The following RASEF variants were observed in gnomAD, a reference collection of about 807,000 sequenced individuals.
The protein encoded by RASEF is RAS and EF-hand domain containing, also known as ras and EF-hand domain-containing protein.
In RASEF, 68 loss-of-function variants were observed where a neutral mutation model predicts 90.1. That is an observed-to-expected ratio of 0.75 (90% CI 0.62 to 0.92). RASEF has a LOEUF of 0.92. RASEF is among the 40% of genes least tolerant of loss of function. RASEF has a pLI of 0.00. For synonymous variants in RASEF, 331 were observed against 345.2 expected (o/e 0.96, Z 0.46); for missense variants, 949 against 937.2 (o/e 1.01, Z -0.16).
chr9:83,209,534 C>A, the RASEF span, among the ~76,000 whole-genome samples: 3 of 152,208 alleles, frequency 2.0e-5, no homozygotes, highest in Non-Finnish European at 1.5e-5. Flanking sequence ...CCAAGGGCTG[C>A]AGACCCCTGG....
intron 1 of RASEF, among the ~76,000 whole-genome samples, chr9:83,041,942 C>T (rs1244523455): frequency 6.6e-6 from 1 of 152,094 alleles, no homozygotes; most frequent in Non-Finnish European, 1.5e-5. Flanking sequence ...ACCTCAACCC[C>T]CAAGAAAAGT....
the RASEF span, among the ~76,000 whole-genome samples, chr9:83,106,061 G>T: frequency 1.3e-5 from 2 of 152,244 alleles, no homozygotes; most frequent in African/African-American, 4.8e-5. Flanking sequence ...GCCAGTTATT[G>T]TTTCCTCCAC....
At chr9:83,166,878 A>G in the RASEF span, among the ~76,000 whole-genome samples, 1 of 152,144 alleles carries the variant, frequency 6.6e-6, no homozygotes. Flanking sequence ...AACAGAGCAG[A>G]TCTCTTTATC....
At chr9:83,082,396 C>A in the RASEF span, among the ~76,000 whole-genome samples, 1 of 152,156 alleles carries the variant, frequency 6.6e-6, no homozygotes, top group Non-Finnish European at 1.5e-5. Context: ...CCTACATCAC[C>A]CATGGGAGCT....
intron 12 of RASEF, 86 bp downstream of exon 12, chr9:83,000,083 A>G: frequency 1.7e-6 from 2 of 1,206,184 alleles, no homozygotes; most frequent in Non-Finnish European, 1.2e-6. Context: ...CTGTTAACTG[A>G]GCATCTGTGT....
chr9:83,047,269 C>G (rs1299113966), intron 1 of RASEF, among the ~76,000 whole-genome samples: 1 of 151,148 alleles, frequency 6.6e-6, no homozygotes, highest in Non-Finnish European at 1.5e-5. Flanking sequence ...TACTCCAAAA[C>G]AAAACAAAAA....
the RASEF span, among the ~76,000 whole-genome samples, chr9:83,146,051 AT>A: frequency 8.8e-4 from 133 of 151,854 alleles, no homozygotes; most frequent in African/African-American, 3.2e-3. Flanking sequence ...AAGCAAACAA[AT>A]GAAGTGCTAA....
In RASEF at chr9:83,001,092, G is replaced by T. The variant is rs756110127; in HGVS notation, c.1241C>A (p.Ser414Tyr). 1.8e-5 allele frequency: 29 copies of T among 1,614,010 alleles called. No homozygotes were observed. In the Admixed American group the frequency reaches 2.8e-4, roughly 16 times the overall value. ...RSSYVDEDCD[S>Y]LALCDPLQRT... ...CTGCAGAGGATCACAGAGGGCCAGG[G>T]AGTCACAGTCCTCATCCACATAGGA... The change falls in exon 10 of 17, where the codon TCC (serine) becomes TAC (tyrosine). Residue 414 changes from serine to tyrosine, a missense_variant. Ser to Tyr is a moderately radical substitution (Grantham distance 144, BLOSUM62 -2). Coordinates refer to ENST00000376447, the MANE Select transcript of RASEF (RefSeq NM_152573.4).
chr9:83,185,353 C>CT, the RASEF span, among the ~76,000 whole-genome samples: 20,632 of 142,986 alleles, frequency 0.14, 1,636 homozygotes, highest in East Asian at 0.28. Context: ...TTCTTTCTTT[C>CT]TTTTTTTTTT....
At chr9:83,113,682 G>C in the RASEF span, among the ~76,000 whole-genome samples, 1 of 152,184 alleles carries the variant, frequency 6.6e-6, no homozygotes, top group Non-Finnish European at 1.5e-5. Context: ...GATAAGGACT[G>C]AAATACACCC....
the RASEF span, among the ~76,000 whole-genome samples, chr9:83,092,662 G>C: frequency 6.6e-5 from 10 of 152,280 alleles, no homozygotes; most frequent in South Asian, 2.1e-4. Context: ...AGCTTCCACT[G>C]TGTGGAAGGG....
chr9:83,120,573 T>C, the RASEF span, among the ~76,000 whole-genome samples: 2 of 152,290 alleles, frequency 1.3e-5, no homozygotes, highest in African/African-American at 4.8e-5. Context: ...CTACTAAGAA[T>C]TGGAGGTTGT....
At chr9:83,126,200 G>A in the RASEF span, among the ~76,000 whole-genome samples, 3 of 152,134 alleles carry the variant, frequency 2.0e-5, no homozygotes, top group African/African-American at 4.8e-5. Context: ...ATGGTACTAG[G>A]AGGTAGAGTT....
the RASEF span, among the ~76,000 whole-genome samples, chr9:83,151,273 C>A: frequency 6.6e-6 from 1 of 152,100 alleles, no homozygotes; most frequent in Non-Finnish European, 1.5e-5. Context: ...CTCTTCCAAC[C>A]CAGCCCTTGG....
the RASEF span, among the ~76,000 whole-genome samples, chr9:83,083,389 T>C: frequency 6.6e-6 from 1 of 152,190 alleles, no homozygotes; most frequent in East Asian, 1.9e-4. Flanking sequence ...TTCGACCATA[T>C]TCTATCATAA....
At chr9:83,031,022 T>C (rs540378800) in intron 1 of RASEF, among the ~76,000 whole-genome samples, 6 of 152,274 alleles carry the variant, frequency 3.9e-5, no homozygotes, top group Admixed American at 2.0e-4. Context: ...CTTGGATCCC[T>C]GAATCACCAC....
At chr9:83,008,032 C>A (rs1474116711) in intron 6 of RASEF, among the ~76,000 whole-genome samples, 1 of 152,124 alleles carries the variant, frequency 6.6e-6, no homozygotes, top group Non-Finnish European at 1.5e-5. Flanking sequence ...CCACAGAGAT[C>A]CCCAAAGAAC....
upstream of RASEF, among the ~76,000 whole-genome samples, chr9:83,067,940 A>G (rs543396082): frequency 2.0e-4 from 31 of 152,104 alleles, no homozygotes; most frequent in Non-Finnish European, 4.0e-4. Context: ...CAGTGGTGTG[A>G]TCATGGCTCA....
At chr9:83,181,177 C>T in the RASEF span, among the ~76,000 whole-genome samples, 1 of 147,876 alleles carries the variant, frequency 6.8e-6, no homozygotes, top group African/African-American at 2.5e-5. Flanking sequence ...ATGGGGAAAG[C>T]CTGATCTTAA....
Sources: gnomAD v4.1 joint callset for allele counts (sites outside exome capture counted in the v4.1 genomes callset) on GRCh38, gnomAD v4.1.1 for gene constraint, MANE v1.5 for transcripts, NCBI Gene and HGNC (gene_info 2026-07-23, HGNC 2026-07-21) for gene names.